The following SCHIP1 variants were observed in gnomAD, a reference collection of about 807,000 sequenced individuals.
SCHIP1 encodes the protein schwannomin-interacting protein 1.
SCHIP1 carries 8 observed loss-of-function variants against 29.7 expected under a neutral mutation model. The ratio of observed to expected loss-of-function variants is 0.27; its 90% CI spans 0.16 to 0.49. The LOEUF (loss-of-function observed/expected upper bound fraction) is 0.49. Among genes scored for constraint, SCHIP1 ranks in the 20% least tolerant of loss-of-function variants. SCHIP1 has a pLI of 0.99. For missense variants in SCHIP1, 193 were observed against 294.6 expected (o/e 0.66, Z 2.52); for synonymous variants, 76 against 94.9 (o/e 0.80, Z 1.16).
At chr3:159,370,973 A>G in the SCHIP1 span, among the ~76,000 whole-genome samples, 1 of 152,178 alleles carries the variant, frequency 6.6e-6, no homozygotes, top group Non-Finnish European at 1.5e-5. Flanking sequence ...TAATCACATG[A>G]ACCAATTCTC....
At chr3:159,284,410 T>C in the SCHIP1 span, among the ~76,000 whole-genome samples, 1 of 152,198 alleles carries the variant, frequency 6.6e-6, no homozygotes, top group Admixed American at 6.5e-5. Flanking sequence ...TCAGCTATTG[T>C]GTTAATCAAT....
the SCHIP1 span, among the ~76,000 whole-genome samples, chr3:159,366,188 T>C: frequency 6.7e-6 from 1 of 149,902 alleles, no homozygotes; most frequent in South Asian, 2.2e-4. Flanking sequence ...AGAAAGAGAG[T>C]GGGCTGGGAG....
At chr3:159,705,296 G>T in the SCHIP1 span, among the ~76,000 whole-genome samples, 1 of 152,016 alleles carries the variant, frequency 6.6e-6, no homozygotes, top group Non-Finnish European at 1.5e-5. Flanking sequence ...TTAATTTTGG[G>T]TTTTTCTTTT....
At chr3:159,697,656 T>C in the SCHIP1 span, among the ~76,000 whole-genome samples, 2 of 152,234 alleles carry the variant, frequency 1.3e-5, no homozygotes, top group South Asian at 2.1e-4. Context: ...AATATTGGAA[T>C]ACAAAAATTG....
At chr3:159,527,954 T>C in the SCHIP1 span, among the ~76,000 whole-genome samples, 1 of 152,208 alleles carries the variant, frequency 6.6e-6, no homozygotes, top group Non-Finnish European at 1.5e-5. Flanking sequence ...CAAAAAGTGA[T>C]GACAGATAAC....
At chr3:159,569,573 G>A in the SCHIP1 span, among the ~76,000 whole-genome samples, 1 of 152,106 alleles carries the variant, frequency 6.6e-6, no homozygotes, top group Non-Finnish European at 1.5e-5. Context: ...TATCACTGAT[G>A]GACATTTGGG....
the SCHIP1 span, among the ~76,000 whole-genome samples, chr3:159,723,534 T>A: frequency 6.6e-6 from 1 of 152,238 alleles, no homozygotes; most frequent in African/African-American, 2.4e-5. Flanking sequence ...TCTTATTGCA[T>A]GATGTCAGAG....
the SCHIP1 span, among the ~76,000 whole-genome samples, chr3:159,646,162 T>G: frequency 6.6e-6 from 1 of 152,164 alleles, no homozygotes; most frequent in Non-Finnish European, 1.5e-5. Flanking sequence ...GGGGGAATTC[T>G]GATGGGGGAA....
chr3:159,709,936 T>C, the SCHIP1 span, among the ~76,000 whole-genome samples: 3 of 152,194 alleles, frequency 2.0e-5, no homozygotes, highest in Non-Finnish European at 4.4e-5. Flanking sequence ...AGATGAGACA[T>C]AAGTATTGGC....
chr3:159,793,207 C>A, the SCHIP1 span, among the ~76,000 whole-genome samples: 1 of 152,028 alleles, frequency 6.6e-6, no homozygotes, highest in Non-Finnish European at 1.5e-5. Flanking sequence ...TATTTAGGAC[C>A]CTAGCATTAG....
At chr3:159,670,424 G>C in the SCHIP1 span, among the ~76,000 whole-genome samples, 1 of 152,150 alleles carries the variant, frequency 6.6e-6, no homozygotes, top group Non-Finnish European at 1.5e-5. Flanking sequence ...AATTTAAACA[G>C]CACAGAAAAA....
the SCHIP1 span, among the ~76,000 whole-genome samples, chr3:159,644,916 T>C: frequency 7.2e-5 from 11 of 152,196 alleles, no homozygotes; most frequent in East Asian, 2.1e-3. Flanking sequence ...TCTAACACTC[T>C]CGTTTGAGGG....
the SCHIP1 span, among the ~76,000 whole-genome samples, chr3:159,823,866 CA>C: frequency 6.6e-6 from 1 of 152,292 alleles, no homozygotes; most frequent in South Asian, 2.1e-4. Context: ...TCCCCATTTT[CA>C]TTTTGCACAG....
chr3:159,581,887 T>A, the SCHIP1 span, among the ~76,000 whole-genome samples: 10 of 152,258 alleles, frequency 6.6e-5, no homozygotes, highest in African/African-American at 2.4e-4. Context: ...ATCACATAGG[T>A]CTCATTTTTT....
At chr3:159,524,155 C>T in the SCHIP1 span, among the ~76,000 whole-genome samples, 1 of 152,220 alleles carries the variant, frequency 6.6e-6, no homozygotes, top group African/African-American at 2.4e-5. Flanking sequence ...GTTCACTATG[C>T]ACCACGTAGA....
At chr3:159,564,237 AG>A in the SCHIP1 span, among the ~76,000 whole-genome samples, 2 of 152,196 alleles carry the variant, frequency 1.3e-5, no homozygotes, top group Non-Finnish European at 2.9e-5. Context: ...CACACAGACA[AG>A]TGCATAAGTC....
At chr3:159,878,623 A>G (rs1357633464) in intron 2 of SCHIP1, among the ~76,000 whole-genome samples, 3 of 149,612 alleles carry the variant, frequency 2.0e-5, no homozygotes, top group East Asian at 3.9e-4. Flanking sequence ...CTAAAAATAC[A>G]AAAAATTAGC....
At chr3:159,748,128 A>G in the SCHIP1 span, among the ~76,000 whole-genome samples, 1 of 152,338 alleles carries the variant, frequency 6.6e-6, no homozygotes, top group East Asian at 1.9e-4. Flanking sequence ...ATCAAATCTA[A>G]TATGCCATTT....
At chr3:159,888,964 A>C in intron 5 of SCHIP1, 21 bp downstream of exon 6, 1 of 1,611,812 alleles carries the variant, frequency 6.2e-7, no homozygotes, top group African/African-American at 1.3e-5. Flanking sequence ...GATATGCTTG[A>C]AAATAGGATA....
Sources: allele counts gnomAD v4.1 joint callset (sites outside exome capture counted in the v4.1 genomes callset), GRCh38; gene constraint gnomAD v4.1.1; transcripts MANE v1.5; gene names NCBI Gene and HGNC (gene_info 2026-07-23, HGNC 2026-07-21).